The following TBC1D12 variants were observed in gnomAD, a reference collection of about 807,000 sequenced individuals.
TBC1D12 encodes TBC1 domain family, member 12.
In TBC1D12, 56 loss-of-function variants were observed where a neutral mutation model predicts 86.7. That is an observed-to-expected ratio of 0.65 (90% confidence interval 0.52 to 0.81). The LOEUF (loss-of-function observed/expected upper bound fraction) is 0.81, where lower values mean the gene tolerates loss of function less well. Ranked by LOEUF, TBC1D12 falls within the 30% of genes least tolerant of loss-of-function variation. The pLI is 0.00. For missense variants in TBC1D12, 1,023 were observed against 1,038.8 expected, an observed-to-expected ratio of 0.98 and a Z score of 0.21; for synonymous variants, 421 against 411.7, an observed-to-expected ratio of 1.02 and a Z score of -0.27.
intron 9 of TBC1D12, among the ~76,000 whole-genome samples, chr10:94,514,039 CAAAAAAAAAACAAA>C (rs1341715059): frequency 4.1e-5 from 4 of 98,106 alleles, no homozygotes; most frequent in African/African-American, 1.1e-4. Context: ...TAATAAATCT[CAAAAAAAAAACAAA>C]AAAAAAAAAA....
At chr10:94,406,113 A>G (rs1210616592) in intron 1 of TBC1D12, among the ~76,000 whole-genome samples, 2 of 152,098 alleles carry the variant, frequency 1.3e-5, no homozygotes, top group African/African-American at 4.8e-5. Flanking sequence ...CCCAGCCAAC[A>G]ATGTTATTTA....
chr10:94,453,806 G>A (rs570915053), intron 2 of TBC1D12, among the ~76,000 whole-genome samples: 48 of 152,192 alleles, frequency 3.2e-4, no homozygotes, highest in African/African-American at 1.2e-3. Context: ...TGTAAGGTCT[G>A]TATGTAGATT....
At chr10:94,487,698 T>C (rs867571503) in intron 3 of TBC1D12, among the ~76,000 whole-genome samples, 6,585 of 145,442 alleles carry the variant, frequency 0.045, 197 homozygotes, top group Non-Finnish European at 0.069. Context: ...GTTTCTCTTT[T>C]TTTTTTTTTT....
chr10:94,520,567 TAAAAG>T (rs1026553471), intron 9 of TBC1D12, among the ~76,000 whole-genome samples: 7 of 144,642 alleles, frequency 4.8e-5, no homozygotes, highest in South Asian at 2.3e-4. Flanking sequence ...AATAAAAAAA[TAAAAG>T]AAAAGGGAGC....
At chr10:94,474,910 CTGTTGT>C (rs2055966033) in intron 3 of TBC1D12, 127 bp downstream of exon 3, 4 of 857,764 alleles carry the variant, frequency 4.7e-6, no homozygotes, top group Non-Finnish European at 7.1e-6. Flanking sequence ...AATTTAATCC[CTGTTGT>C]CTATCCTAAA....
chr10:94,424,868 C>A (rs753365845), intron 1 of TBC1D12, among the ~76,000 whole-genome samples: 1 of 152,146 alleles, frequency 6.6e-6, no homozygotes, highest in Non-Finnish European at 1.5e-5. Flanking sequence ...TAGAAGGTCA[C>A]TGTGGCATGT....
intron 11 of TBC1D12, among the ~76,000 whole-genome samples, chr10:94,523,473 G>A (rs570161800): frequency 1.8e-4 from 28 of 152,012 alleles, no homozygotes; most frequent in Non-Finnish European, 4.0e-4. Context: ...TTATTTCAAG[G>A]TTTTATCAAG....
intron 6 of TBC1D12, among the ~76,000 whole-genome samples, chr10:94,500,603 A>G (rs765966519): frequency 2.0e-5 from 3 of 152,234 alleles, no homozygotes; most frequent in Non-Finnish European, 4.4e-5. Context: ...CTGGGATTCT[A>G]CTTGGCAGTG....
At chr10:94,473,495 A>G (rs1376551586) in intron 2 of TBC1D12, among the ~76,000 whole-genome samples, 1 of 152,232 alleles carries the variant, frequency 6.6e-6, no homozygotes, top group African/African-American at 2.4e-5. Context: ...ATGTAACAAT[A>G]GTATTAAAAG....
chr10:94,510,887 A>G (rs560286965), intron 8 of TBC1D12, among the ~76,000 whole-genome samples: 12 of 152,150 alleles, frequency 7.9e-5, no homozygotes, highest in Non-Finnish European at 1.8e-4. Flanking sequence ...TTTTACCATT[A>G]AGATTAAAAT....
intron 1 of TBC1D12, among the ~76,000 whole-genome samples, chr10:94,417,655 G>A (rs2055016290): frequency 6.6e-6 from 1 of 151,940 alleles, no homozygotes; most frequent in Admixed American, 6.6e-5. Flanking sequence ...AAAGTGGACT[G>A]GGACAGTATA....
chr10:94,503,829 T>C (rs2056428829), intron 6 of TBC1D12, among the ~76,000 whole-genome samples: 1 of 152,200 alleles, frequency 6.6e-6, no homozygotes. Flanking sequence ...TTTGCCATGT[T>C]GGCCAGGCTG....
intron 1 of TBC1D12, among the ~76,000 whole-genome samples, chr10:94,405,372 T>C (rs2054840357): frequency 6.6e-6 from 1 of 152,200 alleles, no homozygotes; most frequent in African/African-American, 2.4e-5. Flanking sequence ...TTTTTTTGCT[T>C]GTATAAATTT....
At chr10:94,459,205 A>G (rs1296481139) in intron 2 of TBC1D12, among the ~76,000 whole-genome samples, 2 of 152,116 alleles carry the variant, frequency 1.3e-5, no homozygotes, top group African/African-American at 4.8e-5. Context: ...TGGTGCATTT[A>G]CAATCCTTTA....
chr10:94,485,544 CT>C lies in TBC1D12; in HGVS notation c.1212-7803del, dbSNP rs772788846. Reference sequence around the variant, plus strand: ...TCAGGGATATTGGCCTGTAGTTTTCCTTTTTTTTTTTTTTTTTTAGTGTGTC... The same window carrying C: ...TCAGGGATATTGGCCTGTAGTTTTCCTTTTTTTTTTTTTTTTTAGTGTGTC... On this transcript the variant is annotated intron_variant, in intron 3 of 12. Transcript: ENST00000225235. Among the ~76,000 whole-genome samples, 387 of 122,752 alleles carry C rather than the reference CT, an allele frequency of 3.2e-3. 3 individuals carry two copies. The highest frequency in any genetic ancestry group is 4.8e-3 in the Non-Finnish European group (276 of 57,868). The allele number at this position is 122,752 out of a possible 152,430, so 80.5% of individuals were successfully genotyped here. A position where few individuals can be genotyped will look rare whatever the true frequency, so the allele number is the denominator to read the frequency against.
intron 1 of TBC1D12, among the ~76,000 whole-genome samples, chr10:94,418,975 A>G (rs1030889314): frequency 6.6e-6 from 1 of 151,654 alleles, no homozygotes; most frequent in African/African-American, 2.4e-5. Flanking sequence ...CCTTGGTTCA[A>G]GTGATTCTCC....
At chr10:94,404,934 C>A (rs1284630276) in intron 1 of TBC1D12, among the ~76,000 whole-genome samples, 1 of 151,584 alleles carries the variant, frequency 6.6e-6, no homozygotes, top group Non-Finnish European at 1.5e-5. Context: ...TTAATCCCAG[C>A]TACTTGGGAG....
At chr10:94,459,967 G>C (rs945298543) in intron 2 of TBC1D12, among the ~76,000 whole-genome samples, 2 of 152,226 alleles carry the variant, frequency 1.3e-5, no homozygotes, top group African/African-American at 2.4e-5. Context: ...GTGGGCTGAA[G>C]GGCTTCTCAA....
chr10:94,402,548 T>G lies in TBC1D12; in HGVS notation c.-66T>G. The G allele has an allele frequency of 6.4e-7, 1 of 1,573,054 alleles. No individual in the cohort carries two copies. The highest frequency in any genetic ancestry group is 8.6e-7 in the Non-Finnish European group (1 of 1,159,410). ...GCCGCGGCCCCAGCACCCAGAGCTG[T>G]TCTCTGGCCAAGCCTGCGCCTGTAG... On this transcript the variant is annotated 5_prime_UTR_variant, in exon 1 of 13. Coordinates refer to ENST00000225235, the MANE Select transcript of TBC1D12 (RefSeq NM_015188.2).
Sources: allele counts gnomAD v4.1 joint callset (sites outside exome capture counted in the v4.1 genomes callset), GRCh38; gene constraint gnomAD v4.1.1; transcripts MANE v1.5; gene names NCBI Gene and HGNC (gene_info 2026-07-23, HGNC 2026-07-21).